LUZP2: variants seen among roughly 807,000 people sequenced by gnomAD.
LUZP2 encodes leucine zipper protein 2.
Under a neutral mutation model 51.6 loss-of-function variants are expected in LUZP2, and 52 were observed. The ratio of observed to expected loss-of-function variants is 1.01; its 90% CI spans 0.81 to 1.27. The LOEUF is 1.27. LUZP2 is among the 50% of genes most tolerant of loss of function. The probability of loss-of-function intolerance (pLI) is 0.00; values close to 1 mark genes in which losing one functional copy is unlikely to be tolerated. For missense variants in LUZP2, 436 were observed against 395.4 expected (o/e 1.10, Z -0.87); for synonymous variants, 154 against 137.3 (o/e 1.12, Z -0.85).
At chr11:24,523,322 T>C (rs1178662343) in intron 1 of LUZP2, among the ~76,000 whole-genome samples, 1 of 151,134 alleles carries the variant, frequency 6.6e-6, no homozygotes, top group Admixed American at 6.6e-5. Context: ...AAAATATTTA[T>C]AGACAATGTA....
At chr11:24,709,010 T>A (rs551662456) in intron 1 of LUZP2, among the ~76,000 whole-genome samples, 1 of 152,196 alleles carries the variant, frequency 6.6e-6, no homozygotes, top group East Asian at 1.9e-4. Flanking sequence ...GGGACTGGTG[T>A]GTCATGTTTC....
intron 1 of LUZP2, among the ~76,000 whole-genome samples, chr11:24,600,106 A>G (rs1052675562): frequency 6.6e-6 from 1 of 151,906 alleles, no homozygotes; most frequent in African/African-American, 2.4e-5. Flanking sequence ...GTCCTACTGA[A>G]GTAAAGTGGG....
At chr11:24,860,255 G>C (rs533821472) in intron 5 of LUZP2, among the ~76,000 whole-genome samples, 8 of 152,114 alleles carry the variant, frequency 5.3e-5, no homozygotes, top group Non-Finnish European at 1.0e-4. Context: ...GCAGGAACTC[G>C]AGTAACCCCA....
chr11:24,981,373 G>T (rs1856024031), intron 8 of LUZP2, among the ~76,000 whole-genome samples: 1 of 151,764 alleles, frequency 6.6e-6, no homozygotes, highest in Non-Finnish European at 1.5e-5. Flanking sequence ...GCATGCTAAT[G>T]CATTGTAATT....
chr11:24,923,503 C>T (rs1854136145), intron 7 of LUZP2, among the ~76,000 whole-genome samples: 1 of 151,968 alleles, frequency 6.6e-6, no homozygotes, highest in Non-Finnish European at 1.5e-5. Context: ...TTGAGACCAT[C>T]CTGGTCAACA....
At chr11:24,992,859 TATTTA>T (rs1565200722) in intron 9 of LUZP2, among the ~76,000 whole-genome samples, 1 of 152,162 alleles carries the variant, frequency 6.6e-6, no homozygotes, top group Non-Finnish European at 1.5e-5. Flanking sequence ...AATTTAAGCA[TATTTA>T]ATTTAAGTAT....
At chr11:24,791,247 T>C (rs1176696538) in intron 5 of LUZP2, among the ~76,000 whole-genome samples, 5 of 152,238 alleles carry the variant, frequency 3.3e-5, no homozygotes, top group Non-Finnish European at 7.3e-5. Context: ...TTTTATGTGC[T>C]ATCTACCATT....
At chr11:25,026,881 TC>T (rs1293517901) in intron 9 of LUZP2, among the ~76,000 whole-genome samples, 6 of 121,336 alleles carry the variant, frequency 4.9e-5, no homozygotes, top group African/African-American at 1.3e-4. Context: ...TTATTTTTTT[TC>T]TTTCTTTATT....
At chr11:25,014,235 CATGTTTTATAATCCTTTGGGTATAT>C (rs1857073318) in intron 9 of LUZP2, among the ~76,000 whole-genome samples, 1 of 152,124 alleles carries the variant, frequency 6.6e-6, no homozygotes, top group South Asian at 2.1e-4. Flanking sequence ...TTTATAGCAG[CATGTTTTATAATCCTTTGGGTATAT>C]ACCCAGTAAT....
At chr11:24,829,145 GAA>G (rs1850624368) in intron 5 of LUZP2, among the ~76,000 whole-genome samples, 1 of 152,140 alleles carries the variant, frequency 6.6e-6, no homozygotes. Flanking sequence ...AGATAAGCCT[GAA>G]TAACCTGCTT....
At chr11:24,797,267 AT>A (rs5790441) in intron 5 of LUZP2, among the ~76,000 whole-genome samples, 3,716 of 152,296 alleles carry the variant, frequency 0.024, 156 homozygotes, top group African/African-American at 0.083. Flanking sequence ...AATAAGAGTC[AT>A]TTGACTCAGG....
In LUZP2 at chr11:24,639,529, G is replaced by A. The variant is rs563546699; in HGVS notation, c.63-89640G>A. Among the ~76,000 whole-genome samples, 5 of 151,822 alleles carry A rather than the reference G, an allele frequency of 3.3e-5. No individual in the cohort carries two copies. In the South Asian group the frequency reaches 6.2e-4, roughly 19 times the overall value. ...TGCAGTGGTGAGATCTCAGCTCACC[G>A]CAACCTCCGCCTCCTGGGTTCAAGC... On this transcript the variant is annotated intron_variant, in intron 1 of 11. Coordinates refer to ENST00000336930, the MANE Select transcript of LUZP2 (RefSeq NM_001009909.4).
intron 1 of LUZP2, among the ~76,000 whole-genome samples, chr11:24,716,912 T>C (rs1590391570): frequency 6.6e-6 from 1 of 151,922 alleles, no homozygotes; most frequent in South Asian, 2.1e-4. Context: ...ATTTTTTTAA[T>C]ATAAAATAAT....
At chr11:24,727,234 C>A (rs984709873) in intron 1 of LUZP2, among the ~76,000 whole-genome samples, 7 of 151,970 alleles carry the variant, frequency 4.6e-5, no homozygotes, top group Non-Finnish European at 1.0e-4. Flanking sequence ...ACAGTAAGTT[C>A]TTGAAGGACG....
At chr11:24,859,237 T>A in intron 5 of LUZP2, among the ~76,000 whole-genome samples, 1 of 152,310 alleles carries the variant, frequency 6.6e-6, no homozygotes, top group East Asian at 1.9e-4. Context: ...TAAATTTTAA[T>A]AAGTTCATTA....
intron 5 of LUZP2, among the ~76,000 whole-genome samples, chr11:24,831,471 C>T (rs144553859): frequency 5.9e-5 from 9 of 152,044 alleles, no homozygotes; most frequent in African/African-American, 2.2e-4. Flanking sequence ...TTTAAAGGAG[C>T]TTTGAAAGAA....
intron 7 of LUZP2, among the ~76,000 whole-genome samples, chr11:24,931,961 G>T (rs1200481776): frequency 1.3e-5 from 2 of 152,152 alleles, no homozygotes; most frequent in Non-Finnish European, 2.9e-5. Flanking sequence ...CCATTAATGT[G>T]GTGTTCACCT....
chr11:24,591,813 T>C (rs1853271773), intron 1 of LUZP2, among the ~76,000 whole-genome samples: 1 of 152,220 alleles, frequency 6.6e-6, no homozygotes, highest in Non-Finnish European at 1.5e-5. Context: ...AAGAAAGTTA[T>C]GGCATTCAAT....
chr11:24,791,957 C>CTT (rs34035344), intron 5 of LUZP2, among the ~76,000 whole-genome samples: 1,452 of 144,656 alleles, frequency 0.01, 15 homozygotes, highest in African/African-American at 0.025. Flanking sequence ...TAGTGAGAGT[C>CTT]TTTTTTTTTT....
Sources: allele counts gnomAD v4.1 joint callset (sites outside exome capture counted in the v4.1 genomes callset), GRCh38; gene constraint gnomAD v4.1.1; transcripts MANE v1.5; gene names NCBI Gene and HGNC (gene_info 2026-07-23, HGNC 2026-07-21).